UST: variants seen among roughly 807,000 people sequenced by gnomAD.
UST encodes chondroitin sulfate 2-O-sulfotransferase.
In UST, 21 loss-of-function variants were observed where a neutral mutation model predicts 45.6. That is an observed-to-expected ratio of 0.46 (90% confidence interval 0.33 to 0.66). The LOEUF is 0.66. UST is among the 30% of genes least tolerant of loss of function. UST has a pLI of 0.02. For synonymous variants in UST, 215 were observed against 200.6 expected (o/e 1.07, Z -0.61); for missense variants, 463 against 512.4 (o/e 0.90, Z 0.93).
chr6:148,992,350 A>G (rs1209259164), intron 5 of UST, among the ~76,000 whole-genome samples: 3 of 152,084 alleles, frequency 2.0e-5, no homozygotes, highest in African/African-American at 7.2e-5. Flanking sequence ...TAAAAATACA[A>G]AAAAAATTAG....
chr6:148,867,971 A>G (rs1778478248), intron 1 of UST, among the ~76,000 whole-genome samples: 2 of 152,128 alleles, frequency 1.3e-5, no homozygotes, highest in Non-Finnish European at 2.9e-5. Flanking sequence ...GCCTCCCTCC[A>G]TCCAACACAG....
chr6:149,023,103 T>G (rs1264941768), intron 7 of UST, among the ~76,000 whole-genome samples: 3 of 2,414 alleles, frequency 1.2e-3, no homozygotes, highest in African/African-American at 6.2e-3. Flanking sequence ...TGTTCTATGG[T>G]GTGTGTGTGT....
chr6:148,791,034 G>A (rs1776836822), intron 1 of UST, among the ~76,000 whole-genome samples: 2 of 152,212 alleles, frequency 1.3e-5, no homozygotes, highest in Non-Finnish European at 2.9e-5. Flanking sequence ...TACTGAATCT[G>A]GACTGGAACC....
At chr6:148,798,727 C>G (rs1263693257) in intron 1 of UST, among the ~76,000 whole-genome samples, 1 of 152,032 alleles carries the variant, frequency 6.6e-6, no homozygotes, top group Non-Finnish European at 1.5e-5. Flanking sequence ...CAAACACTGC[C>G]GAAGGTGCTT....
chr6:149,012,208 G>C (rs898687014), intron 5 of UST, among the ~76,000 whole-genome samples: 1 of 152,216 alleles, frequency 6.6e-6, no homozygotes, highest in African/African-American at 2.4e-5. Context: ...CTAGACATGA[G>C]CATGGAATGG....
intron 1 of UST, among the ~76,000 whole-genome samples, chr6:148,871,642 C>T (rs1778561869): frequency 6.6e-6 from 1 of 152,226 alleles, no homozygotes; most frequent in African/African-American, 2.4e-5. Context: ...AGGCTGTAAA[C>T]TCCCCACAGC....
chr6:148,790,520 T>C lies in UST; in HGVS notation c.247+42843T>C, dbSNP rs754910189. 6.6e-6 allele frequency among the ~76,000 whole-genome samples: 1 copy of C among 152,204 alleles called. No individual in the cohort carries two copies. Among genetic ancestry groups the C allele is most frequent in the Non-Finnish European group, 1.5e-5 (1 of 68,030 alleles). On this transcript the variant is annotated intron_variant, in intron 1 of 7. Transcript: ENST00000367463. The surrounding 1 kb of genome is among the most constrained non-coding windows in gnomAD (Gnocchi z 4.2). ...CCTGAATCACCTCCACGTCCCACCT[T>C]GTGCCTGGTGAATGTCAGCCCTGCA...
chr6:148,783,111 C>T (rs984343200), intron 1 of UST, among the ~76,000 whole-genome samples: 2 of 152,198 alleles, frequency 1.3e-5, no homozygotes, highest in East Asian at 1.9e-4. Context: ...ACAAGACCCT[C>T]CTCCAGCAAA....
At chr6:148,825,962 G>A (rs1457271150) in intron 1 of UST, among the ~76,000 whole-genome samples, 2 of 152,188 alleles carry the variant, frequency 1.3e-5, no homozygotes, top group African/African-American at 2.4e-5. Flanking sequence ...GGAGGGGGCA[G>A]ATAGAGCTAT....
At chr6:148,973,749 C>T (rs1780965887) in intron 5 of UST, among the ~76,000 whole-genome samples, 2 of 152,102 alleles carry the variant, frequency 1.3e-5, no homozygotes, top group South Asian at 4.2e-4. Context: ...GTATAAATTC[C>T]CCAAAGGCTG....
chr6:148,852,020 C>T (rs186268200), intron 1 of UST, among the ~76,000 whole-genome samples: 5 of 152,144 alleles, frequency 3.3e-5, no homozygotes, highest in Non-Finnish European at 7.3e-5. Flanking sequence ...GCAAGGAATC[C>T]GAGGATGATG....
chr6:149,019,204 T>A lies in UST; in HGVS notation c.747T>A (p.Ile249=), dbSNP rs1775945970. 6.2e-7 allele frequency: 1 copy of A among 1,614,022 alleles called. No individual in the cohort carries two copies. The highest frequency in any genetic ancestry group is 1.3e-5 in the African/African-American group (1 of 74,984). ...ECSNPRLFYI[I]PYFCGQHPRC... ...CCAACCCCAGGTTATTTTACATCAT[T>A]CCGTACTTTTGTGGACAGCATCCCA... Residue 249 remains isoleucine (I), a synonymous_variant, in exon 6 of 8, where the codon ATT becomes ATA. Coordinates refer to ENST00000367463, the MANE Select transcript of UST (RefSeq NM_005715.3).
chr6:148,933,581 G>A (rs1186893924), intron 2 of UST, among the ~76,000 whole-genome samples: 1 of 152,144 alleles, frequency 6.6e-6, no homozygotes, highest in African/African-American at 2.4e-5. Flanking sequence ...TTCTGTTCAG[G>A]AGGATTGCAA....
intron 1 of UST, among the ~76,000 whole-genome samples, chr6:148,820,068 A>C (rs7761419): frequency 0.014 from 2,173 of 152,322 alleles, 48 homozygotes; most frequent in African/African-American, 0.05. Flanking sequence ...TCCTCTAGGT[A>C]GCTAAAGGTC....
At chr6:149,056,302 T>A (rs1776566034) in intron 7 of UST, among the ~76,000 whole-genome samples, 1 of 151,972 alleles carries the variant, frequency 6.6e-6, no homozygotes, top group Non-Finnish European at 1.5e-5. Flanking sequence ...GACACGAGGT[T>A]TTGCCATGTT....
chr6:148,891,531 G>T (rs1779018767), intron 2 of UST, among the ~76,000 whole-genome samples: 1 of 152,170 alleles, frequency 6.6e-6, no homozygotes, highest in Non-Finnish European at 1.5e-5. Context: ...TTACAGATAA[G>T]GGAGCTGGAT....
chr6:148,896,957 T>C (rs916396764), intron 2 of UST, among the ~76,000 whole-genome samples: 6 of 152,130 alleles, frequency 3.9e-5, no homozygotes, highest in African/African-American at 1.4e-4. Flanking sequence ...CTTAGGATTG[T>C]GAGGCTGAAG....
At chr6:148,806,899 GC>G (rs1376733178) in intron 1 of UST, among the ~76,000 whole-genome samples, 1 of 152,174 alleles carries the variant, frequency 6.6e-6, no homozygotes, top group African/African-American at 2.4e-5. Context: ...TCCCACTATG[GC>G]GGCATTAACC....
intron 5 of UST, among the ~76,000 whole-genome samples, chr6:148,982,519 T>G (rs1448998116): frequency 6.6e-6 from 1 of 152,132 alleles, no homozygotes; most frequent in African/African-American, 2.4e-5. Context: ...AGTTCTGGAG[T>G]GACCACATTG....
Sources: allele counts gnomAD v4.1 joint callset (sites outside exome capture counted in the v4.1 genomes callset), GRCh38; gene constraint gnomAD v4.1.1; non-coding constraint Gnocchi (gnomAD v3.1); transcripts MANE v1.5; gene names NCBI Gene and HGNC (gene_info 2026-07-23, HGNC 2026-07-21).